The following CPS1 variants were observed in gnomAD, a reference collection of about 807,000 sequenced individuals.
CPS1 encodes carbamoyl-phosphate synthase [ammonia], mitochondrial.
CPS1 carries 109 observed loss-of-function variants against 174.6 expected under a neutral mutation model. The observed-to-expected ratio is 0.62, with a 90% CI of 0.53 to 0.73. The LOEUF (loss-of-function observed/expected upper bound fraction) is 0.73, where lower values mean the gene tolerates loss of function less well. CPS1 is among the 30% of genes least tolerant of loss of function. CPS1 has a pLI of 0.00. For synonymous variants in CPS1, 637 were observed against 632.0 expected, an observed-to-expected ratio of 1.01 and a Z score of -0.12; for missense variants, 1,689 against 1,821.9, an observed-to-expected ratio of 0.93 and a Z score of 1.33.
At position 210,556,886 on chromosome 2, in the gene CPS1, T is replaced by A. The variant is rs1696930274; in HGVS notation, c.126+27T>A. 3 of 1,610,966 alleles carry A rather than the reference T, an allele frequency of 1.9e-6. No homozygotes were observed. The African/African-American group carries it at 4.0e-5, about 22-fold the overall frequency. On this transcript the variant is annotated intron_variant, in intron 1 of 37. Transcript: ENST00000233072. ...TAATACCCATATTGATTGTTTCTGA[T>A]AAAATACTATGGGGTATAGTTTAGC...
chr2:210,494,522 A>G (rs1199603010), intron 1 of CPS1, among the ~76,000 whole-genome samples: 1 of 152,224 alleles, frequency 6.6e-6, no homozygotes, highest in Non-Finnish European at 1.5e-5. Context: ...ATTTCTCTAC[A>G]TAGACCCTAA....
intron 27 of CPS1, among the ~76,000 whole-genome samples, chr2:210,649,552 G>A (rs1221208773): frequency 6.6e-6 from 1 of 152,128 alleles, no homozygotes; most frequent in Non-Finnish European, 1.5e-5. Flanking sequence ...TTTCTATAAT[G>A]TATACATAGA....
rs1196813762 is a variant in CPS1 at position 210,679,095 on chromosome 2, T to C, written c.*1110T>C. 2 of 152,232 alleles carry C rather than the reference T, an allele frequency of 1.3e-5. No homozygotes were observed. The highest frequency in any genetic ancestry group is 4.8e-5 in the African/African-American group (2 of 41,468). The allele number at this position is 152,232 out of a possible 1,614,324, so 9.4% of individuals were successfully genotyped here. A position where few individuals can be genotyped will look rare whatever the true frequency, so the allele number is the denominator to read the frequency against. ...AATTGTGAACTTTTAAATAAAATACTATTAAGAGGTAATGCAGTTGAATCT... is the reference window on the plus strand; with the variant it reads ...AATTGTGAACTTTTAAATAAAATACCATTAAGAGGTAATGCAGTTGAATCT... On this transcript the variant is annotated 3_prime_UTR_variant, in exon 38 of 38. Coordinates refer to ENST00000233072, the MANE Select transcript of CPS1 (RefSeq NM_001875.5).
Position 210,677,094 on chromosome 2 carries a change from G to A in CPS1, c.4362G>A (p.Arg1454=). Residue 1454 remains arginine (R), a synonymous_variant, in exon 37 of 38, where the codon AGG becomes AGA. Transcript: ENST00000233072. ...TCCATGATAATTATGTGATTCGGAG[G>A]ACAGCTGTTGATAGTGGAATCCCTC... ...KFVHDNYVIR[R]TAVDSGIPLL... The A allele has an allele frequency of 6.2e-7, 1 of 1,613,816 alleles. No individual in the cohort carries two copies. Among genetic ancestry groups the A allele is most frequent in the African/African-American group, 1.3e-5 (1 of 75,036 alleles).
intron 1 of CPS1, among the ~76,000 whole-genome samples, chr2:210,568,145 A>G (rs1386013303): frequency 4.6e-5 from 7 of 152,178 alleles, no homozygotes; most frequent in Non-Finnish European, 8.8e-5. Context: ...ACACAACAGT[A>G]TACACCAAAT....
At chr2:210,598,278 A>G (rs1363583924) in intron 13 of CPS1, among the ~76,000 whole-genome samples, 1 of 151,946 alleles carries the variant, frequency 6.6e-6, no homozygotes, top group African/African-American at 2.4e-5. Context: ...CACACAGACC[A>G]GTGTCACTGT....
At chr2:210,639,651 A>G (rs187876534) in intron 23 of CPS1, among the ~76,000 whole-genome samples, 2,201 of 145,178 alleles carry the variant, frequency 0.015, 58 homozygotes, top group Non-Finnish European at 0.023. Flanking sequence ...AAAAGGCATC[A>G]TGTGTGTCAG....
At chr2:210,638,976 T>C (rs551016806) in intron 22 of CPS1, among the ~76,000 whole-genome samples, 174 bp from the exon 23 acceptor site, 1 of 152,278 alleles carries the variant, frequency 6.6e-6, no homozygotes, top group South Asian at 2.1e-4. Flanking sequence ...ATCACTATTT[T>C]CTCTCTCTTA....
intron 1 of CPS1, among the ~76,000 whole-genome samples, chr2:210,488,513 A>G (rs990759374): frequency 2.6e-5 from 4 of 152,204 alleles, no homozygotes; most frequent in African/African-American, 9.7e-5. Context: ...TAGTTTTCCA[A>G]CTGTCTCCTT....
chr2:210,543,431 A>G (rs569029480), intron 1 of CPS1, among the ~76,000 whole-genome samples: 2 of 151,918 alleles, frequency 1.3e-5, no homozygotes, highest in East Asian at 3.9e-4. Flanking sequence ...GATATCATCA[A>G]TTTCCAGCTC....
intron 1 of CPS1, among the ~76,000 whole-genome samples, chr2:210,545,140 C>T (rs1252172440): frequency 6.6e-6 from 1 of 152,054 alleles, no homozygotes; most frequent in Non-Finnish European, 1.5e-5. Context: ...AAAGATTAAT[C>T]TCCTTAAAAC....
At position 210,605,092 on chromosome 2, in the gene CPS1, C is replaced by T; in HGVS notation, c.1837-10C>T. On this transcript the variant is annotated splice_polypyrimidine_tract_variant and intron_variant, in intron 16 of 37. Transcript: ENST00000233072. ...CTTACTCTTTGATATCTTTTGTCAC[C>T]AATTTCTAGGCCTTTGCTATGACCA... 6.2e-7 allele frequency: 1 copy of T among 1,611,476 alleles called. No homozygotes were observed. Among genetic ancestry groups the T allele is most frequent in the Non-Finnish European group, 8.5e-7 (1 of 1,178,348 alleles).
Position 210,546,953 on chromosome 2 carries a change from C to T in CPS1, c.4-9766C>T, listed in dbSNP as rs562037804. 5.9e-5 allele frequency among the ~76,000 whole-genome samples: 9 copies of T among 152,172 alleles called. No homozygotes were observed. In the South Asian group the frequency reaches 1.5e-3, roughly 25 times the overall value. On this transcript the variant is annotated intron_variant, in intron 1 of 38. Transcript: ENST00000430249. ...TAGTCAGAGCTTGGGAGTACTGAAACGCTTTGGACTCCAGCCAGCTGCCAT... is the reference window on the plus strand; with the variant it reads ...TAGTCAGAGCTTGGGAGTACTGAAATGCTTTGGACTCCAGCCAGCTGCCAT...
chr2:210,632,571 A>G (rs1699901649), intron 21 of CPS1, among the ~76,000 whole-genome samples: 1 of 152,242 alleles, frequency 6.6e-6, no homozygotes, highest in Admixed American at 6.5e-5. Context: ...GGTGAGGACA[A>G]TACAGAGAAT....
chr2:210,623,274 A>G (rs908296545), intron 21 of CPS1, among the ~76,000 whole-genome samples: 1 of 152,112 alleles, frequency 6.6e-6, no homozygotes, highest in African/African-American at 2.4e-5. Flanking sequence ...CAAAAGTAGG[A>G]GATATAACCA....
intron 25 of CPS1, 38 bp from the exon 26 acceptor site, chr2:210,647,825 G>A (rs1700426856): frequency 1.9e-6 from 3 of 1,605,340 alleles, no homozygotes; most frequent in Non-Finnish European, 2.6e-6. Flanking sequence ...TCATAATGAA[G>A]TTATTCCAAT....
rs763466112 is a variant in CPS1, at chr2:210,600,587, G to C, written c.1582G>C (p.Glu528Gln). The C allele has an allele frequency of 1.2e-6, 2 of 1,612,062 alleles. No individual in the cohort carries two copies. The highest frequency in any genetic ancestry group is 1.7e-6 in the Non-Finnish European group (2 of 1,178,840). The change falls in exon 15 of 38, where the codon GAA (glutamate) becomes CAA (glutamine). Residue 528 changes from glutamate to glutamine, a missense_variant. Transcript: ENST00000233072. The part of the protein sequence containing the change: ...VELFKRGVLK[E>Q]YGVKVLGTSV... ...ACTATTCAAGAGAGGTGTGCTCAAG[G>C]AATATGGTGTGAAAGTCCTGGGAAC...
intron 1 of CPS1, among the ~76,000 whole-genome samples, chr2:210,482,406 A>T (rs2105941553): frequency 6.6e-6 from 1 of 151,674 alleles, no homozygotes; most frequent in Admixed American, 6.6e-5. Context: ...GGGTTCCAGC[A>T]ATTCTCCCAC....
At chr2:210,606,289 G>A (rs1436626966) in intron 17 of CPS1, among the ~76,000 whole-genome samples, 1 of 151,864 alleles carries the variant, frequency 6.6e-6, no homozygotes, top group Non-Finnish European at 1.5e-5. Context: ...AGATCTGAGC[G>A]TGTTTGAAGG....
Sources: gnomAD v4.1 joint callset for allele counts (sites outside exome capture counted in the v4.1 genomes callset) on GRCh38, gnomAD v4.1.1 for gene constraint, MANE v1.5 for transcripts, NCBI Gene and HGNC (gene_info 2026-07-23, HGNC 2026-07-21) for gene names.